HELZ: variants seen among roughly 807,000 people sequenced by gnomAD.
HELZ encodes helicase with zinc finger.
A neutral mutation model predicts 218.2 loss-of-function variants in HELZ; 23 were observed. The observed-to-expected ratio is 0.11, with a 90% confidence interval of 0.08 to 0.15. The LOEUF is 0.15. HELZ is among the 10% of genes least tolerant of loss of function. The probability of loss-of-function intolerance (pLI) is 1.00; values close to 1 mark genes in which losing one functional copy is unlikely to be tolerated. For synonymous variants in HELZ, 814 were observed against 829.4 expected, an observed-to-expected ratio of 0.98 and a Z score of 0.32; for missense variants, 1,813 against 2,353.7, an observed-to-expected ratio of 0.77 and a Z score of 4.75.
chr17:67,123,328 A>AT (rs1567819277), intron 25 of HELZ, among the ~76,000 whole-genome samples, 168 bp from the exon 26 acceptor site: 1 of 151,946 alleles, frequency 6.6e-6, no homozygotes, highest in African/African-American at 2.4e-5. Context: ...AAAAAAAAAA[A>AT]TTTTTATAAT....
chr17:67,084,978 T>C (rs1400116138), intron 32 of HELZ, among the ~76,000 whole-genome samples: 1 of 152,034 alleles, frequency 6.6e-6, no homozygotes, highest in Non-Finnish European at 1.5e-5. Context: ...TGGTGGCAGA[T>C]GCCTGTAATC....
intron 6 of HELZ, 136 bp downstream of exon 6, chr17:67,203,183 A>T (rs558421641): frequency 2.5e-6 from 2 of 790,416 alleles, no homozygotes; most frequent in African/African-American, 1.7e-5. Context: ...ATATCTCAGG[A>T]TACTCATGAA....
chr17:67,162,580 T>C (rs2039022498), intron 15 of HELZ, among the ~76,000 whole-genome samples: 1 of 152,132 alleles, frequency 6.6e-6, no homozygotes, highest in South Asian at 2.1e-4. Context: ...CCTTCTCCCC[T>C]GCCTTACTCT....
chr17:67,108,825 C>T lies in HELZ; in HGVS notation c.4490-99G>A, dbSNP rs570150194. ...ATATTTTCTCCACAAAGACAAAGGA[C>T]GTAGCTACAAATTTGGTTTTGGTAA... On this transcript the variant is annotated intron_variant, in intron 29 of 32. Transcript: ENST00000358691. The surrounding 1 kb of genome is among the most constrained non-coding windows in gnomAD (Gnocchi z 4.1). The T allele has an allele frequency of 8.3e-6, 8 of 964,412 alleles. No individual in the cohort carries two copies. Among genetic ancestry groups the T allele is most frequent in the East Asian group, 5.2e-5 (2 of 38,752 alleles). The allele number at this position is 964,412 out of a possible 1,614,324, so 59.7% of individuals were successfully genotyped here.
At chr17:67,210,950 C>T (rs951423483) in intron 5 of HELZ, among the ~76,000 whole-genome samples, 7 of 152,042 alleles carry the variant, frequency 4.6e-5, no homozygotes, top group Non-Finnish European at 8.8e-5. Flanking sequence ...AATGACTATT[C>T]GAAAGGCAAA....
At chr17:67,090,431 A>G (rs1427403433) in intron 31 of HELZ, among the ~76,000 whole-genome samples, 2 of 152,122 alleles carry the variant, frequency 1.3e-5, no homozygotes, top group Non-Finnish European at 2.9e-5. Context: ...CAATAAATTG[A>G]GAAGTGTTCT....
At chr17:67,165,977 T>TA (rs1383024170) in intron 15 of HELZ, among the ~76,000 whole-genome samples, 5 of 151,624 alleles carry the variant, frequency 3.3e-5, no homozygotes, top group Non-Finnish European at 4.4e-5. Flanking sequence ...CAAAAAAAAA[T>TA]TTTTTTTAAT....
intron 3 of HELZ, among the ~76,000 whole-genome samples, chr17:67,236,003 G>A (rs938429440): frequency 4.0e-5 from 6 of 151,862 alleles, no homozygotes; most frequent in South Asian, 2.1e-4. Context: ...CTCCTGATCC[G>A]CCCGCCTTGG....
At chr17:67,106,402 G>T (rs1452552286) in intron 31 of HELZ, among the ~76,000 whole-genome samples, 3 of 151,522 alleles carry the variant, frequency 2.0e-5, no homozygotes, top group Non-Finnish European at 4.4e-5. Context: ...CAGCCTCCCG[G>T]GTTCACGCCA....
At chr17:67,208,210 C>T (rs1219850174) in intron 5 of HELZ, among the ~76,000 whole-genome samples, 2 of 151,916 alleles carry the variant, frequency 1.3e-5, no homozygotes, top group Non-Finnish European at 2.9e-5. Context: ...AGGAATAGTA[C>T]ATTTCCTGAG....
At chr17:67,219,259 T>C (rs1413400232) in intron 3 of HELZ, among the ~76,000 whole-genome samples, 2 of 152,194 alleles carry the variant, frequency 1.3e-5, no homozygotes, top group Admixed American at 6.5e-5. Context: ...AACCAAAATC[T>C]ATACCATGCA....
At chr17:67,092,923 G>A (rs1419203227) in intron 31 of HELZ, among the ~76,000 whole-genome samples, 2 of 151,534 alleles carry the variant, frequency 1.3e-5, no homozygotes, top group Non-Finnish European at 2.9e-5. Flanking sequence ...AGCCAAGATT[G>A]TGCCACTGCA....
At chr17:67,083,344 T>C (rs879729020) in intron 32 of HELZ, among the ~76,000 whole-genome samples, 1 of 152,004 alleles carries the variant, frequency 6.6e-6, no homozygotes, top group African/African-American at 2.4e-5. Flanking sequence ...CTAATATTTT[T>C]CAAAATACAT....
intron 31 of HELZ, among the ~76,000 whole-genome samples, chr17:67,102,314 A>G (rs556800253): frequency 2.3e-4 from 35 of 152,238 alleles, no homozygotes; most frequent in Non-Finnish European, 4.3e-4. Flanking sequence ...AAATGCTAGG[A>G]AAGGCTAAAT....
intron 17 of HELZ, among the ~76,000 whole-genome samples, chr17:67,156,085 T>A (rs964693589): frequency 6.7e-6 from 1 of 150,270 alleles, no homozygotes; most frequent in Non-Finnish European, 1.5e-5. Flanking sequence ...AAGTAAAAAA[T>A]TCCCTTGGGA....
intron 31 of HELZ, among the ~76,000 whole-genome samples, chr17:67,092,861 A>G (rs1375636529): frequency 6.8e-6 from 1 of 146,722 alleles, no homozygotes; most frequent in East Asian, 2.2e-4. Context: ...GCTACTTGAG[A>G]GGCTGAGGCA....
rs572401523 is a variant in HELZ, at chr17:67,092,769, C to T, written c.5242-5688G>A. ...TCACCTGAGGTCAGGAGTTTGAGAC[C>T]GGCTGGCCAACATGGTGAAACCCCA... On this transcript the variant is annotated intron_variant, in intron 31 of 32. Coordinates refer to ENST00000358691, the MANE Select transcript of HELZ (RefSeq NM_014877.4). 2.4e-4 allele frequency among the ~76,000 whole-genome samples: 36 copies of T among 152,036 alleles called. 1 individual carries two copies. The highest frequency in any genetic ancestry group is 6.5e-4 in the African/African-American group (27 of 41,466).
intron 31 of HELZ, among the ~76,000 whole-genome samples, chr17:67,102,350 TAA>T (rs1241913418): frequency 6.6e-6 from 1 of 152,218 alleles, no homozygotes; most frequent in African/African-American, 2.4e-5. Context: ...TTTGTCTAGT[TAA>T]ATTATAAATA....
chr17:67,197,825 T>C (rs1055842574), intron 7 of HELZ, among the ~76,000 whole-genome samples: 3 of 152,210 alleles, frequency 2.0e-5, no homozygotes, highest in Admixed American at 6.5e-5. Flanking sequence ...CACAGGAAAA[T>C]GCCTTCTGAT....
Sources: allele counts gnomAD v4.1 joint callset (sites outside exome capture counted in the v4.1 genomes callset), GRCh38; gene constraint gnomAD v4.1.1; non-coding constraint Gnocchi (gnomAD v3.1); transcripts MANE v1.5; gene names NCBI Gene and HGNC (gene_info 2026-07-23, HGNC 2026-07-21).